Variants in RAD54B observed in about 807,000 individuals in gnomAD.
RAD54B encodes the protein DNA repair and recombination protein RAD54B.
RAD54B carries 78 observed loss-of-function variants against 95.8 expected under a neutral mutation model. That is an observed-to-expected ratio of 0.81 (90% CI 0.68 to 0.98). The LOEUF (loss-of-function observed/expected upper bound fraction) is 0.98. RAD54B is among the 50% of genes least tolerant of loss of function. RAD54B has a pLI of 0.00. For missense variants in RAD54B, 957 were observed against 1,056.6 expected (o/e 0.91, Z 1.31); for synonymous variants, 328 against 354.9 (o/e 0.92, Z 0.85).
In RAD54B at chr8:94,461,330, A is replaced by G. The variant is rs530135609; in HGVS notation, c.136-2894T>C. Among the ~76,000 whole-genome samples, 535 of 150,608 alleles carry G rather than the reference A, an allele frequency of 3.6e-3. 2 individuals carry two copies. The highest frequency in any genetic ancestry group is 6.4e-3 in the Non-Finnish European group (430 of 67,620). On this transcript the variant is annotated intron_variant, in intron 2 of 14. Transcript: ENST00000336148. ...TGAGATTACAGGCATGCACCACCAC[A>G]CCCGGCTAATTTTGTATTTTTAGTA...
chr8:94,386,337 C>T (rs1025564629), intron 11 of RAD54B, among the ~76,000 whole-genome samples: 15 of 152,196 alleles, frequency 9.9e-5, no homozygotes, highest in African/African-American at 3.6e-4. Flanking sequence ...CAAGATGAGG[C>T]TTACAATAAC....
At chr8:94,429,432 A>G in intron 3 of RAD54B, 1 of 924,456 alleles carries the variant, frequency 1.1e-6, no homozygotes, top group Non-Finnish European at 1.3e-6. Context: ...AACATCTCAC[A>G]GAATTAATGT....
chr8:94,374,184 C>G (rs1008894852), intron 14 of RAD54B, among the ~76,000 whole-genome samples: 1 of 151,744 alleles, frequency 6.6e-6, no homozygotes, highest in Non-Finnish European at 1.5e-5. Context: ...GAGGCTGAGG[C>G]AGGAGAATGG....
intron 3 of RAD54B, among the ~76,000 whole-genome samples, chr8:94,444,389 C>T (rs188476317): frequency 1.8e-4 from 27 of 145,974 alleles, no homozygotes; most frequent in Admixed American, 1.7e-3. Flanking sequence ...TAAGGATGTT[C>T]ACTGCAGAGG....
rs560513154 is a variant in RAD54B at position 94,378,803 on chromosome 8, T to A, written c.2248-169A>T. Among the ~76,000 whole-genome samples, 7 of 152,320 alleles carry A rather than the reference T, an allele frequency of 4.6e-5. No homozygotes were observed. The East Asian group carries it at 1.3e-3, about 29-fold the overall frequency. ...CATGCCCTACTTCATAGCTTTTTCT[T>A]GGCAGAAAGAAAGGGATGAGTGAAC... On this transcript the variant is annotated intron_variant, in intron 12 of 14. Transcript: ENST00000336148.
intron 10 of RAD54B, among the ~76,000 whole-genome samples, chr8:94,388,384 G>C (rs915933973): frequency 9.2e-5 from 14 of 152,026 alleles, no homozygotes; most frequent in African/African-American, 3.1e-4. Context: ...TAAAAATACA[G>C]TATATAATAT....
chr8:94,449,768 G>A (rs1193271624), intron 3 of RAD54B, among the ~76,000 whole-genome samples: 1 of 152,096 alleles, frequency 6.6e-6, no homozygotes, highest in Admixed American at 6.6e-5. Flanking sequence ...CAAATGACCA[G>A]GACCTTTTTT....
intron 8 of RAD54B, among the ~76,000 whole-genome samples, chr8:94,396,732 C>T (rs773171628): frequency 2.6e-5 from 4 of 152,034 alleles, no homozygotes; most frequent in Non-Finnish European, 5.9e-5. Flanking sequence ...AACTGTATCT[C>T]CCTAAAATTC....
intron 3 of RAD54B, among the ~76,000 whole-genome samples, chr8:94,452,577 C>A (rs138650511): frequency 2.1e-3 from 320 of 152,270 alleles, no homozygotes; most frequent in African/African-American, 7.1e-3. Context: ...CAGCTCACTG[C>A]AAGCTCCGCT....
intron 3 of RAD54B, chr8:94,428,236 A>G: frequency 1.1e-6 from 1 of 911,196 alleles, no homozygotes; most frequent in Non-Finnish European, 1.3e-6. Flanking sequence ...AATCAAGTCT[A>G]CATTTAAAAA....
intron 3 of RAD54B, chr8:94,430,541 T>C (rs1285388779): frequency 4.7e-5 from 37 of 779,774 alleles, no homozygotes; most frequent in Non-Finnish European, 5.6e-5. Flanking sequence ...ACCCCCAGGG[T>C]TTCTAATTCA....
chr8:94,414,790 T>C (rs200200859), intron 3 of RAD54B, among the ~76,000 whole-genome samples: 1 of 152,170 alleles, frequency 6.6e-6, no homozygotes, highest in African/African-American at 2.4e-5. Context: ...AATAAAATAC[T>C]TAGGAATCCA....
intron 3 of RAD54B, among the ~76,000 whole-genome samples, chr8:94,434,486 G>C (rs1368307469): frequency 6.6e-6 from 1 of 151,752 alleles, no homozygotes; most frequent in Non-Finnish European, 1.5e-5. Flanking sequence ...GTCAATGTGA[G>C]TTACAGAAAA....
At chr8:94,382,271 G>C (rs1194598935) in intron 11 of RAD54B, among the ~76,000 whole-genome samples, 3 of 152,248 alleles carry the variant, frequency 2.0e-5, no homozygotes, top group African/African-American at 7.2e-5. Flanking sequence ...AATAAAAGTT[G>C]ATCAATTTTT....
intron 11 of RAD54B, among the ~76,000 whole-genome samples, chr8:94,385,844 G>T (rs1216287159): frequency 6.6e-6 from 1 of 152,184 alleles, no homozygotes; most frequent in Non-Finnish European, 1.5e-5. Context: ...GCAGAAGTGG[G>T]GCAAATTACA....
At chr8:94,471,268 CG>C (rs34892988) in intron 1 of RAD54B, among the ~76,000 whole-genome samples, 46,884 of 137,500 alleles carry the variant, frequency 0.34, 7,961 homozygotes, top group East Asian at 0.46. Context: ...TAATGGGTGG[CG>C]GGGGGGGGCA....
intron 7 of RAD54B, 34 bp downstream of exon 7, chr8:94,400,204 T>TAAATGA: frequency 6.4e-7 from 1 of 1,557,390 alleles, no homozygotes; most frequent in Non-Finnish European, 8.8e-7. Context: ...AGATTTTTTT[T>TAAATGA]AAATGACTAA....
Position 94,400,299 on chromosome 8 carries a change from C to T in RAD54B, c.1109G>A (p.Trp370Ter), listed in dbSNP as rs1350637023. ...TAGCCATTTTTGAAATTCTTTCTTC[C>T]AATTATTCACCAAGCTTCCAGGTGT... ...IVTPGSLVNN[W>*]KKEFQKWLGS... The change falls in exon 7 of 15, where the codon TGG becomes TAG. Residue 370 changes from tryptophan (W) to a stop codon, truncating the protein, a stop_gained. Coordinates refer to ENST00000336148, the MANE Select transcript of RAD54B (RefSeq NM_012415.3). LOFTEE classifies it high-confidence loss of function. The T allele has an allele frequency of 6.2e-7, 1 of 1,613,704 alleles. No homozygotes were observed. The highest frequency in any genetic ancestry group is 8.5e-7 in the Non-Finnish European group (1 of 1,179,826).
At chr8:94,470,234 G>T (rs1452069969) in intron 1 of RAD54B, among the ~76,000 whole-genome samples, 2 of 152,186 alleles carry the variant, frequency 1.3e-5, no homozygotes, top group Non-Finnish European at 2.9e-5. Context: ...GCCGAGGCAG[G>T]TGGATCACCT....
Sources: allele counts gnomAD v4.1 joint callset (sites outside exome capture counted in the v4.1 genomes callset), GRCh38; gene constraint gnomAD v4.1.1; transcripts MANE v1.5; gene names NCBI Gene and HGNC (gene_info 2026-07-23, HGNC 2026-07-21).